EZR: variants seen among roughly 807,000 people sequenced by gnomAD.
The protein encoded by EZR is ezrin.
EZR carries 40 observed loss-of-function variants against 74.8 expected under a neutral mutation model. The observed-to-expected ratio is 0.53, with a 90% CI of 0.42 to 0.70. EZR has a LOEUF of 0.70. Ranked by LOEUF, EZR falls within the 30% of genes least tolerant of loss-of-function variation. The pLI, the probability that EZR is intolerant of heterozygous loss-of-function variation, is 0.00. For missense variants in EZR, 678 were observed against 755.8 expected (o/e 0.90, Z 1.21); for synonymous variants, 341 against 283.3 (o/e 1.20, Z -2.05).
chr6:158,803,582 C>CATAT (rs60495898), intron 2 of EZR, among the ~76,000 whole-genome samples: 19 of 43,650 alleles, frequency 4.4e-4, no homozygotes, highest in Non-Finnish European at 7.4e-4. Context: ...TATATATATA[C>CATAT]ATATATATAT....
At chr6:158,805,616 A>C (rs947698526) in intron 2 of EZR, among the ~76,000 whole-genome samples, 7 of 152,150 alleles carry the variant, frequency 4.6e-5, no homozygotes, top group Non-Finnish European at 5.9e-5. Context: ...ATCCAAACTA[A>C]ATCAGTAATC....
intron 3 of EZR, chr6:158,788,306 G>A (rs1428445983): frequency 6.6e-6 from 1 of 152,208 alleles, no homozygotes; most frequent in Non-Finnish European, 1.5e-5. Context: ...TAAATGCCCA[G>A]GACTGACCTG....
intron 3 of EZR, among the ~76,000 whole-genome samples, 194 bp downstream of exon 3, chr6:158,789,094 T>C (rs3123116): frequency 0.11 from 17,203 of 152,276 alleles, 995 homozygotes; most frequent in Middle Eastern, 0.15. Context: ...CCTCACTTCC[T>C]AGGCATGATA....
rs1777222849 is a variant in EZR at position 158,803,088 on chromosome 6, C to T, written c.13-13717G>A. Reference sequence around the variant, plus strand: ...GTTCTCCTTACTACTTCCTCCAGCACCACCATTAGGCTAAACTTAAAATGT... The same window carrying T: ...GTTCTCCTTACTACTTCCTCCAGCATCACCATTAGGCTAAACTTAAAATGT... On this transcript the variant is annotated intron_variant, in intron 2 of 13. Transcript: ENST00000367075. 2.0e-5 allele frequency among the ~76,000 whole-genome samples: 3 copies of T among 152,060 alleles called. No homozygotes were observed. In the South Asian group the frequency reaches 6.2e-4, roughly 31 times the overall value.
chr6:158,785,069 A>C (rs923018164), intron 5 of EZR, among the ~76,000 whole-genome samples: 1 of 152,216 alleles, frequency 6.6e-6, no homozygotes, highest in Admixed American at 6.5e-5. Flanking sequence ...AGTCAGGTCG[A>C]GAAGTTTGCT....
chr6:158,814,947 C>T (rs1446797037), intron 2 of EZR, among the ~76,000 whole-genome samples: 7 of 152,166 alleles, frequency 4.6e-5, no homozygotes, highest in African/African-American at 1.7e-4. Context: ...TCCACTCACT[C>T]AGTTCAGGCA....
At chr6:158,771,089 C>A (rs968684628) in intron 9 of EZR, among the ~76,000 whole-genome samples, 155 bp downstream of exon 9, 2 of 152,210 alleles carry the variant, frequency 1.3e-5, no homozygotes, top group Non-Finnish European at 2.9e-5. Flanking sequence ...ACAGCAACCG[C>A]CCAGAGACAA....
chr6:158,792,555 G>A, intron 2 of EZR, among the ~76,000 whole-genome samples: 1 of 55,012 alleles, frequency 1.8e-5, no homozygotes, highest in East Asian at 2.0e-4. Flanking sequence ...TGGGCACAGT[G>A]GCTCACGTAA....
intron 8 of EZR, among the ~76,000 whole-genome samples, chr6:158,773,247 CCT>C (rs1278290390): frequency 6.6e-6 from 1 of 152,082 alleles, no homozygotes; most frequent in Admixed American, 6.6e-5. Context: ...ACAATGTCTC[CCT>C]CTCTCCCTTT....
chr6:158,771,497 T>C (rs1328093080), intron 8 of EZR, 90 bp from the exon 9 acceptor site: 40 of 1,377,408 alleles, frequency 2.9e-5, no homozygotes, highest in Non-Finnish European at 2.0e-6. Flanking sequence ...AGAACTTTTC[T>C]AAAAGAACAA....
At chr6:158,782,995 C>A (rs1791473089) in intron 7 of EZR, among the ~76,000 whole-genome samples, 2 of 152,196 alleles carry the variant, frequency 1.3e-5, no homozygotes, top group East Asian at 3.8e-4. Context: ...CAGGCCCTCA[C>A]TCAACAAACA....
At chr6:158,774,360 G>C (rs900999229) in intron 8 of EZR, among the ~76,000 whole-genome samples, 7 of 151,944 alleles carry the variant, frequency 4.6e-5, no homozygotes, top group Admixed American at 1.3e-4. Context: ...CTTCTGATCC[G>C]GCTTAGTTTT....
At chr6:158,767,164 G>T in intron 13 of EZR, 86 bp from the exon 14 acceptor site, 1 of 1,586,874 alleles carries the variant, frequency 6.3e-7, no homozygotes, top group Non-Finnish European at 8.6e-7. Flanking sequence ...GGCAAGAGGG[G>T]TGCTGGGTGG....
intron 2 of EZR, among the ~76,000 whole-genome samples, chr6:158,807,894 G>A (rs568292137): frequency 6.6e-6 from 1 of 152,276 alleles, no homozygotes; most frequent in East Asian, 1.9e-4. Flanking sequence ...TGCCATTGAG[G>A]AAAGGTGGGA....
chr6:158,805,079 G>C (rs1489165510), intron 2 of EZR, among the ~76,000 whole-genome samples: 1 of 152,026 alleles, frequency 6.6e-6, no homozygotes, highest in Non-Finnish European at 1.5e-5. Flanking sequence ...TCTTGGGAGT[G>C]AGAAGGTGAG....
intron 12 of EZR, among the ~76,000 whole-genome samples, chr6:158,768,247 G>A (rs944349169): frequency 3.3e-5 from 5 of 151,880 alleles, no homozygotes; most frequent in African/African-American, 1.2e-4. Flanking sequence ...TCTCTCTTCT[G>A]CCCTCATGTA....
At chr6:158,806,703 T>C (rs1043801479) in intron 2 of EZR, among the ~76,000 whole-genome samples, 1 of 152,244 alleles carries the variant, frequency 6.6e-6, no homozygotes, top group Admixed American at 6.5e-5. Context: ...GTTCAAGTTA[T>C]ATAATGCACC....
At chr6:158,783,827 G>A (rs1477175459) in intron 6 of EZR, among the ~76,000 whole-genome samples, 161 bp from the exon 7 acceptor site, 2 of 152,198 alleles carry the variant, frequency 1.3e-5, no homozygotes, top group African/African-American at 4.8e-5. Context: ...GACCGGTGAG[G>A]AGGGGACCCA....
chr6:158,795,420 G>T (rs562077331), intron 2 of EZR, among the ~76,000 whole-genome samples: 1 of 121,354 alleles, frequency 8.2e-6, no homozygotes, highest in African/African-American at 2.8e-5. Context: ...TTTTAAAAAC[G>T]TAAAAAAAAA....
Sources: gnomAD v4.1 joint callset for allele counts (sites outside exome capture counted in the v4.1 genomes callset) on GRCh38, gnomAD v4.1.1 for gene constraint, MANE v1.5 for transcripts, NCBI Gene and HGNC (gene_info 2026-07-23, HGNC 2026-07-21) for gene names.